Variants in TET3 observed in about 807,000 individuals in gnomAD.
TET3 encodes the protein tet methylcytosine dioxygenase 3.
Under a neutral mutation model 141.4 loss-of-function variants are expected in TET3, and 19 were observed. That is an observed-to-expected ratio of 0.13 (90% CI 0.09 to 0.20). TET3 has a LOEUF of 0.20. Ranked by LOEUF, TET3 falls within the 10% of genes least tolerant of loss-of-function variation. TET3 has a pLI of 1.00. For synonymous variants in TET3, 1,043 were observed against 980.9 expected (o/e 1.06, Z -1.18); for missense variants, 1,874 against 2,356.9 (o/e 0.80, Z 4.24).
At position 74,102,027 on chromosome 2, in the gene TET3, G is replaced by T. The variant is rs1016626595; in HGVS notation, c.5239G>T (p.Gly1747Trp). The change falls in exon 12 of 12, where the codon GGG becomes TGG. Residue 1747 changes from glycine (G) to tryptophan (W), a missense_variant. Gly to Trp is a radical substitution (Grantham distance 184). This residue lies in a region of TET3 where 113 missense variants were observed against 114.3 expected (regional missense o/e 0.99). Coordinates refer to ENST00000409262, the MANE Select transcript of TET3 (RefSeq NM_001287491.2). Reference protein sequence around the residue: ...AKLYGKKRKWGGTVVAEPQQK... With the variant: ...AKLYGKKRKWWGTVVAEPQQK... The stretch of plus-strand genomic sequence containing the variant: ...GCTCTACGGGAAGAAGCGCAAGTGG[G>T]GGGGCACTGTGGTTGCTGAGCCCCA... 4 of 1,567,572 alleles carry T rather than the reference G, an allele frequency of 2.6e-6. No individual in the cohort carries two copies. Among genetic ancestry groups the T allele is most frequent in the Non-Finnish European group, 3.5e-6 (4 of 1,155,414 alleles).
At chr2:74,117,361 G>A in the TET3 span, among the ~76,000 whole-genome samples, 2 of 151,926 alleles carry the variant, frequency 1.3e-5, no homozygotes, top group Admixed American at 1.3e-4. Context: ...ACAGGCATGA[G>A]CCACCATGCC....
chr2:74,030,281 G>T (rs1347656285), intron 3 of TET3, among the ~76,000 whole-genome samples: 1 of 152,090 alleles, frequency 6.6e-6, no homozygotes, highest in African/African-American at 2.4e-5. Flanking sequence ...TTTCTCATTT[G>T]TGTGCTTGGT....
At chr2:74,031,392 C>T (rs762013284) in intron 3 of TET3, among the ~76,000 whole-genome samples, 6 of 152,146 alleles carry the variant, frequency 3.9e-5, no homozygotes, top group South Asian at 2.1e-4. Flanking sequence ...ATAATGGTTG[C>T]GCAAATGCCT....
intron 5 of TET3, among the ~76,000 whole-genome samples, chr2:74,074,150 T>A (rs1041932360): frequency 2.0e-5 from 3 of 152,214 alleles, no homozygotes; most frequent in Non-Finnish European, 4.4e-5. Flanking sequence ...CCTAAATCCT[T>A]TGGACAGGAT....
At chr2:74,078,354 T>C (rs1436544599) in intron 5 of TET3, among the ~76,000 whole-genome samples, 1 of 152,194 alleles carries the variant, frequency 6.6e-6, no homozygotes, top group Non-Finnish European at 1.5e-5. Context: ...TATACAGAGA[T>C]AAATGTATTA....
intron 3 of TET3, among the ~76,000 whole-genome samples, chr2:74,026,725 C>CTT (rs879371002): frequency 2.1e-5 from 3 of 144,484 alleles, no homozygotes; most frequent in African/African-American, 2.5e-5. Context: ...TCCCCTCCAA[C>CTT]TTTTTTTTTT....
At position 74,047,973 on chromosome 2, in the gene TET3, C is replaced by G. The variant is rs745371700; in HGVS notation, c.2056C>G (p.Pro686Ala). 1.2e-6 allele frequency: 2 copies of G among 1,611,850 alleles called. No homozygotes were observed. The highest frequency in any genetic ancestry group is 1.3e-5 in the African/African-American group (1 of 74,994). ...GCCCCCTACTCAGGAAATGAGGTCC[C>G]CCAGCCCCATGACAGCCTTGCAGCC... ...LLPPTQEMRS[P>A]SPMTALQPGS... is the part of the protein sequence containing the mutation. Residue 686 changes from proline (P) to alanine (A), a missense_variant, in exon 4 of 12, where the codon CCC (proline) becomes GCC (alanine). Pro to Ala is a conservative substitution (Grantham distance 27). Coordinates refer to ENST00000409262, the MANE Select transcript of TET3 (RefSeq NM_001287491.2).
intron 2 of TET3, among the ~76,000 whole-genome samples, chr2:73,989,340 C>T (rs893214872): frequency 4.6e-5 from 7 of 152,180 alleles, no homozygotes; most frequent in African/African-American, 1.4e-4. Context: ...CTGTGTGGTA[C>T]TTCCTCCTCT....
At chr2:74,002,170 C>T (rs1211108479) in intron 2 of TET3, among the ~76,000 whole-genome samples, 2 of 152,186 alleles carry the variant, frequency 1.3e-5, no homozygotes, top group African/African-American at 4.8e-5. Context: ...CTAGCCGCAT[C>T]ACCTTGGGTA....
chr2:74,072,832 G>A (rs1268709936), intron 4 of TET3, among the ~76,000 whole-genome samples: 1 of 152,152 alleles, frequency 6.6e-6, no homozygotes, highest in Non-Finnish European at 1.5e-5. Flanking sequence ...ATTCATATCA[G>A]GGAAATCCTA....
chr2:74,108,059 G>T lies in TET3; in HGVS notation c.*5883G>T, dbSNP rs1207822355. The T allele has an allele frequency of 6.5e-6, 1 of 153,572 alleles. No homozygotes were observed. The highest frequency in any genetic ancestry group is 2.4e-5 in the African/African-American group (1 of 41,366). The allele number at this position is 153,572 out of a possible 1,614,324, so 9.5% of individuals were successfully genotyped here. ...GAAATTGCAAGTATGTATCCTTTTT[G>T]ATTTGTATTTTATTATAATTTACAC... On this transcript the variant is annotated 3_prime_UTR_variant, in exon 12 of 12. Coordinates refer to ENST00000409262, the MANE Select transcript of TET3 (RefSeq NM_001287491.2).
At chr2:74,004,846 G>C (rs1261483903) in intron 3 of TET3, among the ~76,000 whole-genome samples, 2 of 152,224 alleles carry the variant, frequency 1.3e-5, no homozygotes, top group Non-Finnish European at 2.9e-5. Context: ...GGCTGGAGGA[G>C]TTGTAATCAC....
intron 8 of TET3, among the ~76,000 whole-genome samples, chr2:74,092,149 T>C (rs1690533567): frequency 6.6e-6 from 1 of 151,940 alleles, no homozygotes; most frequent in Non-Finnish European, 1.5e-5. Context: ...ACTAAAAATA[T>C]AAAAGAAATT....
chr2:74,003,021 C>G, intron 2 of TET3, 89 bp from the exon 3 acceptor site: 1 of 1,459,032 alleles, frequency 6.9e-7, no homozygotes, highest in Non-Finnish European at 9.4e-7. Flanking sequence ...CCTTCTTCCC[C>G]TCCGGCCGGG....
intron 3 of TET3, among the ~76,000 whole-genome samples, chr2:74,025,205 CAA>C (rs1232815916): frequency 1.0e-5 from 1 of 99,238 alleles, no homozygotes; most frequent in Admixed American, 1.2e-4. Context: ...GCCTGGGTGA[CAA>C]AGCGAGACTC....
chr2:74,007,904 T>C (rs140288054), intron 3 of TET3, among the ~76,000 whole-genome samples: 86 of 152,338 alleles, frequency 5.6e-4, no homozygotes, highest in African/African-American at 1.8e-3. Flanking sequence ...GCTGCACGTG[T>C]GGCTCAGCAC....
chr2:74,083,102 T>A lies in TET3; in HGVS notation c.2679+2511T>A, dbSNP rs1271804033. 2.0e-5 allele frequency among the ~76,000 whole-genome samples: 3 copies of A among 152,248 alleles called. No homozygotes were observed. In the East Asian group the frequency reaches 5.8e-4, roughly 29 times the overall value. On this transcript the variant is annotated intron_variant, in intron 6 of 11. Coordinates refer to ENST00000409262, the MANE Select transcript of TET3 (RefSeq NM_001287491.2). Reference sequence around the variant, plus strand: ...CCAGGATTTGGGGACACAGTCAAGGTACATCATGGGTGCCCAGCAAATGTG... The same window carrying A: ...CCAGGATTTGGGGACACAGTCAAGGAACATCATGGGTGCCCAGCAAATGTG...
rs201514802 is a variant in TET3, at chr2:74,101,189, C to T, written c.4401C>T (p.Ile1467=). 93 of 1,613,588 alleles carry T rather than the reference C, an allele frequency of 5.8e-5. No homozygotes were observed. Among genetic ancestry groups the T allele is most frequent in the East Asian group, 4.0e-4 (18 of 44,890 alleles). ...GVFSSGESPA[I]VPDKLSSFGA... Reference sequence around the variant, plus strand: ...TCTCGTCTGGGGAGAGTCCTGCCATCGTCCCTGACAAGCTCAGTTCCTTTG... The same window carrying T: ...TCTCGTCTGGGGAGAGTCCTGCCATTGTCCCTGACAAGCTCAGTTCCTTTG... Residue 1467 remains isoleucine, a synonymous_variant, in exon 12 of 12, where the codon ATC becomes ATT. Transcript: ENST00000409262. The surrounding 1 kb of genome is among the most constrained non-coding windows in gnomAD (Gnocchi z 8.5).
Position 74,105,500 on chromosome 2 carries a change from T to C in TET3, c.*3324T>C. 5.0e-6 allele frequency: 2 copies of C among 398,082 alleles called. No homozygotes were observed. The highest frequency in any genetic ancestry group is 4.4e-5 in the Admixed American group (1 of 22,726). 24.7% of individuals were successfully genotyped at this position (398,082 alleles called of 1,614,324 possible). ...GGTGTTGCATGGATTTGGGGGTCTT[T>C]CGGTTTTTGGTTTTGGGTCTGGCTT... On this transcript the variant is annotated 3_prime_UTR_variant, in exon 12 of 12. Transcript: ENST00000409262.
Sources: allele counts gnomAD v4.1 joint callset (sites outside exome capture counted in the v4.1 genomes callset), GRCh38; gene constraint gnomAD v4.1.1; regional missense constraint gnomAD v4.1.1; non-coding constraint Gnocchi (gnomAD v3.1); transcripts MANE v1.5; gene names NCBI Gene and HGNC (gene_info 2026-07-23, HGNC 2026-07-21).